Variants in ABCC8 observed in about 807,000 individuals in gnomAD.
ABCC8 encodes the protein ATP-binding cassette sub-family C member 8.
ABCC8 carries 137 observed loss-of-function variants against 188.0 expected under a neutral mutation model. The observed-to-expected ratio is 0.73, with a 90% CI of 0.63 to 0.84. The LOEUF (loss-of-function observed/expected upper bound fraction) is 0.84, where lower values mean the gene tolerates loss of function less well. Among genes scored for constraint, ABCC8 ranks in the 40% least tolerant of loss-of-function variants. The pLI, the probability that ABCC8 is intolerant of heterozygous loss-of-function variation, is 0.00. For synonymous variants in ABCC8, 797 were observed against 846.5 expected (o/e 0.94, Z 1.01); for missense variants, 1,750 against 2,072.7 (o/e 0.84, Z 3.02).
Position 17,427,316 on chromosome 11 carries a change from T to G in ABCC8, c.2117-162A>C. 4.4e-6 allele frequency: 4 copies of G among 904,202 alleles called. No individual in the cohort carries two copies. Among genetic ancestry groups the G allele is most frequent in the Non-Finnish European group, 5.3e-6 (4 of 755,972 alleles). The allele number at this position is 904,202 out of a possible 1,614,324, so 56.0% of individuals were successfully genotyped here. ...TCCTCTCCCTCTTTAATCCTTTCCTTCTGGAAATCAACATCCTCCTCTGGC... is the reference window on the plus strand; with the variant it reads ...TCCTCTCCCTCTTTAATCCTTTCCTGCTGGAAATCAACATCCTCCTCTGGC... On this transcript the variant is annotated intron_variant, in intron 15 of 38. Coordinates refer to ENST00000389817, the MANE Select transcript of ABCC8 (RefSeq NM_000352.6). The surrounding 1 kb of genome is among the most constrained non-coding windows in gnomAD (Gnocchi z 5.0).
intron 3 of ABCC8, among the ~76,000 whole-genome samples, chr11:17,469,132 C>T (rs566502603): frequency 2.8e-5 from 4 of 143,762 alleles, no homozygotes; most frequent in Non-Finnish European, 6.0e-5. Flanking sequence ...TGCTCTGTCA[C>T]CCAGGCTGGA....
intron 10 of ABCC8, among the ~76,000 whole-genome samples, chr11:17,438,603 C>T (rs538898406): frequency 6.6e-6 from 1 of 152,308 alleles, no homozygotes; most frequent in Non-Finnish European, 1.5e-5. Context: ...TCCTCAGATA[C>T]AGAGGAACCA....
Position 17,460,620 on chromosome 11 carries a change from A to G in ABCC8, c.879T>C (p.His293=). Residue 293 remains histidine, a synonymous_variant, in exon 6 of 39, where the codon CAT becomes CAC. Coordinates refer to ENST00000389817, the MANE Select transcript of ABCC8 (RefSeq NM_000352.6). ...GARAIWQALS[H]AFGRRLVLSS... ...TGAGGACCAGGCGCCTCCCGAAGGCATGGCTGAGTGCCTGCCAGATGGCCC... is the reference window on the plus strand; with the variant it reads ...TGAGGACCAGGCGCCTCCCGAAGGCGTGGCTGAGTGCCTGCCAGATGGCCC... 1 of 1,612,858 alleles carries G rather than the reference A, an allele frequency of 6.2e-7. No homozygotes were observed. The highest frequency in any genetic ancestry group is 8.5e-7 in the Non-Finnish European group (1 of 1,180,034).
intron 6 of ABCC8, among the ~76,000 whole-genome samples, chr11:17,456,466 A>G (rs1957000625): frequency 6.6e-6 from 1 of 152,146 alleles, no homozygotes; most frequent in South Asian, 2.1e-4. Context: ...GGTCCCCTTC[A>G]CATGTTCTCT....
At chr11:17,397,646 G>A in intron 31 of ABCC8, 38 bp downstream of exon 31, 1 of 1,601,562 alleles carries the variant, frequency 6.2e-7, no homozygotes, top group African/African-American at 1.3e-5. Context: ...GAGTGCTGGT[G>A]TCTGACCCCT....
intron 6 of ABCC8, among the ~76,000 whole-genome samples, chr11:17,458,541 G>T (rs545871557): frequency 6.6e-6 from 1 of 152,200 alleles, no homozygotes; most frequent in South Asian, 2.1e-4. Flanking sequence ...TTAACAACTG[G>T]CTCCATGCTG....
chr11:17,393,361 T>C, intron 38 of ABCC8: 1 of 679,790 alleles, frequency 1.5e-6, no homozygotes, highest in Non-Finnish European at 2.5e-6. Flanking sequence ...ACCTCCAGGC[T>C]TCAAGGCTCA....
Position 17,396,788 on chromosome 11 carries a change from ATG to A in ABCC8, c.4119+126_4119+127del, listed in dbSNP as rs1953951354. On this transcript the variant is annotated intron_variant, in intron 33 of 38. Coordinates refer to ENST00000389817, the MANE Select transcript of ABCC8 (RefSeq NM_000352.6). ...CACAGGCCCAGGGCAGGAGACTGCG[ATG>A]TCTGAATAGTGAGAGGCCTCGGCCC... 7.5e-6 allele frequency: 9 copies of A among 1,206,808 alleles called. No individual in the cohort carries two copies. The South Asian group carries it at 8.1e-5, about 11-fold the overall frequency. 74.8% of individuals were successfully genotyped at this position (1,206,808 alleles called of 1,614,324 possible).
intron 28 of ABCC8, among the ~76,000 whole-genome samples, chr11:17,403,690 A>T (rs753473107): frequency 6.6e-6 from 1 of 152,192 alleles, no homozygotes; most frequent in African/African-American, 2.4e-5. Context: ...TCAGAAATAT[A>T]TTTTATCTCA....
intron 3 of ABCC8, among the ~76,000 whole-genome samples, chr11:17,467,816 T>C (rs4148603): frequency 0.46 from 69,614 of 152,152 alleles, 17,271 homozygotes; most frequent in African/African-American, 0.67. Flanking sequence ...CTCTGTGGAG[T>C]GTCCTTTCAA....
intron 16 of ABCC8, 57 bp downstream of exon 16, chr11:17,426,992 G>A (rs1955607093): frequency 3.1e-6 from 5 of 1,588,446 alleles, no homozygotes; most frequent in South Asian, 1.1e-5. Flanking sequence ...CCTCAACTGA[G>A]GAGGATGGTT....
chr11:17,415,726 C>A (rs892192832), intron 17 of ABCC8, among the ~76,000 whole-genome samples: 2 of 152,238 alleles, frequency 1.3e-5, no homozygotes, highest in Non-Finnish European at 2.9e-5. Context: ...GATACAGCTG[C>A]ACAAACAGCT....
rs1848405429 is a variant in ABCC8, at chr11:17,470,202, A to G, written c.311T>C (p.Leu104Pro). ...CATCCCGGCTGGCATGTACAGGTGC[A>G]GATGGTGGGATTCGGTCACCCTGAG... ...LSDGVTESHH[L>P]HLYMPAGMAF... The change falls in exon 3 of 39, where the codon CTG becomes CCG. Residue 104 changes from leucine to proline, a missense_variant. By Grantham distance (98) the Leu-to-Pro change is moderately conservative. Coordinates refer to ENST00000389817, the MANE Select transcript of ABCC8 (RefSeq NM_000352.6). 1 of 1,614,210 alleles carries G rather than the reference A, an allele frequency of 6.2e-7. No homozygotes were observed. Among genetic ancestry groups the G allele is most frequent in the South Asian group, 1.1e-5 (1 of 91,078 alleles).
chr11:17,446,792 T>C (rs944897025), intron 8 of ABCC8, among the ~76,000 whole-genome samples: 2 of 152,212 alleles, frequency 1.3e-5, no homozygotes, highest in Non-Finnish European at 2.9e-5. Context: ...GCTGTGTCCC[T>C]GTGGGAGCCT....
intron 23 of ABCC8, 55 bp from the exon 24 acceptor site, chr11:17,407,508 A>G: frequency 6.2e-7 from 1 of 1,612,726 alleles, no homozygotes; most frequent in Non-Finnish European, 8.5e-7. Context: ...TTGGTGGGGG[A>G]AGGGGAAGTT....
At chr11:17,426,964 C>A in intron 16 of ABCC8, 85 bp downstream of exon 16, 10 of 1,500,220 alleles carry the variant, frequency 6.7e-6, no homozygotes, top group Non-Finnish European at 9.1e-6. Context: ...GTGGGCCCTC[C>A]AATAAATGTG....
intron 11 of ABCC8, 53 bp downstream of exon 11, chr11:17,432,151 G>T: frequency 2.6e-6 from 4 of 1,550,476 alleles, no homozygotes; most frequent in Non-Finnish European, 3.5e-6. Flanking sequence ...TGTCACTGCA[G>T]ACGCCCTCCC....
chr11:17,402,639 T>C lies in ABCC8; in HGVS notation c.3650+22A>G, dbSNP rs758769442. The C allele has an allele frequency of 3.7e-6, 6 of 1,614,158 alleles. No homozygotes were observed. The East Asian group carries it at 6.7e-5, about 18-fold the overall frequency. ...GCCCCACCCCTGTTCCACTCCTACC[T>C]TGGGGGAATGTGGACTCGTACCTGA... On this transcript the variant is annotated intron_variant, in intron 29 of 38. Coordinates refer to ENST00000389817, the MANE Select transcript of ABCC8 (RefSeq NM_000352.6).
chr11:17,397,511 G>A (rs1205535525), intron 31 of ABCC8, 173 bp downstream of exon 31: 8 of 1,414,154 alleles, frequency 5.7e-6, no homozygotes, highest in Non-Finnish European at 7.7e-6. Flanking sequence ...CACCTGTCTG[G>A]GGCCTGGGCC....
Sources: allele counts gnomAD v4.1 joint callset (sites outside exome capture counted in the v4.1 genomes callset), GRCh38; gene constraint gnomAD v4.1.1; non-coding constraint Gnocchi (gnomAD v3.1); transcripts MANE v1.5; gene names NCBI Gene and HGNC (gene_info 2026-07-23, HGNC 2026-07-21).